Variants in PLSCR4 observed in about 807,000 individuals in gnomAD.
The protein encoded by PLSCR4 is phospholipid scramblase 4, also known as Ca(2+)-dependent phospholipid scramblase 4.
In PLSCR4, 25 loss-of-function variants were observed where a neutral mutation model predicts 36.3. The observed-to-expected ratio is 0.69, with a 90% CI of 0.50 to 0.96. PLSCR4 has a LOEUF of 0.96. PLSCR4 is among the 40% of genes least tolerant of loss of function. The pLI, the probability that PLSCR4 is intolerant of heterozygous loss-of-function variation, is 0.00. For synonymous variants in PLSCR4, 122 were observed against 132.9 expected (o/e 0.92, Z 0.56); for missense variants, 408 against 414.7 (o/e 0.98, Z 0.14).
chr3:146,206,858 A>G (rs1194246220), intron 3 of PLSCR4, 97 bp from the exon 4 acceptor site: 17 of 735,864 alleles, frequency 2.3e-5, no homozygotes, highest in Non-Finnish European at 3.8e-5. Context: ...CATCCACTTA[A>G]ATATAACAAC....
chr3:146,228,307 T>C lies in PLSCR4; in HGVS notation c.-21-6215A>G, dbSNP rs146050221. On this transcript the variant is annotated intron_variant, in intron 1 of 8. Coordinates refer to ENST00000354952, the MANE Select transcript of PLSCR4 (RefSeq NM_020353.3). ...TAACAGCAGTATTTTTAAAAATCTGTCTGCCAGTCAGCAACTCAGCATGTA... is the reference window on the plus strand; with the variant it reads ...TAACAGCAGTATTTTTAAAAATCTGCCTGCCAGTCAGCAACTCAGCATGTA... Among the ~76,000 whole-genome samples the C allele has an allele frequency of 5.9e-5, 9 of 152,332 alleles. No individual in the cohort carries two copies. In the East Asian group the frequency reaches 1.7e-3, roughly 29 times the overall value.
intron 5 of PLSCR4, among the ~76,000 whole-genome samples, chr3:146,200,318 GAGT>G (rs1432850626): frequency 6.6e-6 from 1 of 151,918 alleles, no homozygotes; most frequent in Non-Finnish European, 1.5e-5. Flanking sequence ...TCAATTCCTG[GAGT>G]ATCTGAATTC....
intron 2 of PLSCR4, 75 bp downstream of exon 2, chr3:146,221,990 C>A: frequency 1.3e-6 from 1 of 779,090 alleles, no homozygotes; most frequent in Admixed American, 3.6e-5. Flanking sequence ...GAAATAAAGT[C>A]CCCCTTTAGG....
chr3:146,225,427 G>A (rs940642039), intron 1 of PLSCR4, among the ~76,000 whole-genome samples: 24 of 148,674 alleles, frequency 1.6e-4, no homozygotes, highest in East Asian at 1.4e-3. Context: ...CGTGCCATGC[G>A]CTTGCACTCC....
chr3:146,235,950 C>T (rs9826360), intron 1 of PLSCR4, among the ~76,000 whole-genome samples: 116,387 of 152,060 alleles, frequency 0.77, 45,636 homozygotes, highest in Non-Finnish European at 0.86. Flanking sequence ...TTCTAAGCAG[C>T]AAAACATCAA....
At chr3:146,196,919 G>A (rs375779798) in intron 6 of PLSCR4, 126 bp from the exon 7 acceptor site, 3 of 805,078 alleles carry the variant, frequency 3.7e-6, no homozygotes, top group South Asian at 3.9e-5. Context: ...TGTTGGGAGT[G>A]ACAGCCTTCC....
chr3:146,236,789 A>G (rs2035936818), intron 1 of PLSCR4, among the ~76,000 whole-genome samples: 1 of 152,186 alleles, frequency 6.6e-6, no homozygotes, highest in African/African-American at 2.4e-5. Context: ...TACAGACTCA[A>G]TTACATGCTC....
chr3:146,233,542 A>G (rs2055977), intron 1 of PLSCR4, among the ~76,000 whole-genome samples: 11 of 152,140 alleles, frequency 7.2e-5, no homozygotes, highest in Admixed American at 6.5e-4. Flanking sequence ...AGGATTACCT[A>G]CTGATTATGA....
At chr3:146,233,729 A>G (rs574526077) in intron 1 of PLSCR4, among the ~76,000 whole-genome samples, 2 of 152,266 alleles carry the variant, frequency 1.3e-5, no homozygotes, top group African/African-American at 4.8e-5. Flanking sequence ...GTTCAAGGTT[A>G]TAGCTCTATA....
At chr3:146,199,723 G>C (rs2033941882) in intron 6 of PLSCR4, 90 bp downstream of exon 6, 1 of 1,067,472 alleles carries the variant, frequency 9.4e-7, no homozygotes, top group African/African-American at 1.6e-5. Context: ...CAGGGCCAGG[G>C]AATATCCTCC....
At chr3:146,210,613 T>C (rs1435668201) in intron 3 of PLSCR4, among the ~76,000 whole-genome samples, 1 of 139,246 alleles carries the variant, frequency 7.2e-6, no homozygotes, top group Admixed American at 7.5e-5. Context: ...TTTTATTTCA[T>C]TGATCCTTTT....
At chr3:146,225,504 CG>C (rs1441442003) in intron 1 of PLSCR4, among the ~76,000 whole-genome samples, 1 of 152,106 alleles carries the variant, frequency 6.6e-6, no homozygotes. Flanking sequence ...CGGGGAGGCT[CG>C]GGCCGCACAG....
intron 1 of PLSCR4, among the ~76,000 whole-genome samples, chr3:146,243,656 C>T (rs2036241643): frequency 6.6e-6 from 1 of 152,100 alleles, no homozygotes; most frequent in Non-Finnish European, 1.5e-5. Context: ...GATGGGTTTA[C>T]TGAAGGACTC....
At chr3:146,206,409 G>T in intron 4 of PLSCR4, 117 bp downstream of exon 4, 1 of 685,264 alleles carries the variant, frequency 1.5e-6, no homozygotes, top group Non-Finnish European at 2.6e-6. Context: ...TTTCACAAAT[G>T]GCATCTGTCA....
At position 146,227,025 on chromosome 3, in the gene PLSCR4, T is replaced by C. The variant is rs564941043; in HGVS notation, c.-21-4933A>G. 1.1e-4 allele frequency among the ~76,000 whole-genome samples: 16 copies of C among 152,354 alleles called. No individual in the cohort carries two copies. The South Asian group carries it at 2.7e-3, about 26-fold the overall frequency. ...CAATATAGTTTTAGCCAAAATATTG[T>C]GCAAGGCAGGATAATTTCCAGTTAG... On this transcript the variant is annotated intron_variant, in intron 1 of 8. Coordinates refer to ENST00000354952, the MANE Select transcript of PLSCR4 (RefSeq NM_020353.3).
chr3:146,231,331 T>A (rs1036020762), intron 1 of PLSCR4, among the ~76,000 whole-genome samples: 1 of 152,172 alleles, frequency 6.6e-6, no homozygotes, highest in Non-Finnish European at 1.5e-5. Context: ...TAGAAGTGTA[T>A]GTATCTTTTT....
In PLSCR4 at chr3:146,195,108, A is replaced by G. The variant is rs753118891; in HGVS notation, c.945+16T>C. 6.8e-6 allele frequency: 11 copies of G among 1,611,952 alleles called. No homozygotes were observed. The African/African-American group carries it at 1.3e-4, about 20-fold the overall frequency. On this transcript the variant is annotated intron_variant, in intron 8 of 8. Transcript: ENST00000354952. ...AGAACAACTCTCTCAGGATAACTCA[A>G]AAATAGAAGGCTTACAATGAGGAAG...
chr3:146,195,318 A>G, intron 7 of PLSCR4, 36 bp from the exon 8 acceptor site: 1 of 1,547,126 alleles, frequency 6.5e-7, no homozygotes, highest in Non-Finnish European at 8.9e-7. Flanking sequence ...TGATGATTGA[A>G]ACGCATTGAA....
chr3:146,222,086 A>G lies in PLSCR4; in HGVS notation c.-15T>C. The G allele has an allele frequency of 1.7e-6, 2 of 1,147,454 alleles. No individual in the cohort carries two copies. The highest frequency in any genetic ancestry group is 1.8e-5 in the South Asian group (1 of 55,582). 71.1% of individuals were successfully genotyped at this position (1,147,454 alleles called of 1,614,324 possible). ...TTACCTGACATTTTGAAGAATTCCA[A>G]TTAATCCTGAAAAATAAAAAATGTT... On this transcript the variant is annotated 5_prime_UTR_variant, in exon 2 of 9. Coordinates refer to ENST00000354952, the MANE Select transcript of PLSCR4 (RefSeq NM_020353.3).
Sources: allele counts gnomAD v4.1 joint callset (sites outside exome capture counted in the v4.1 genomes callset), GRCh38; gene constraint gnomAD v4.1.1; transcripts MANE v1.5; gene names NCBI Gene and HGNC (gene_info 2026-07-23, HGNC 2026-07-21).